The following SLCO3A1 variants were observed in gnomAD, a reference collection of about 807,000 sequenced individuals.
The protein encoded by SLCO3A1 is solute carrier organic anion transporter family member 3A1.
A neutral mutation model predicts 63.1 loss-of-function variants in SLCO3A1; 27 were observed. The ratio of observed to expected loss-of-function variants is 0.43; its 90% CI spans 0.32 to 0.59. SLCO3A1 has a LOEUF of 0.59. Ranked by LOEUF, SLCO3A1 falls within the 20% of genes least tolerant of loss-of-function variation. The pLI, the probability that SLCO3A1 is intolerant of heterozygous loss-of-function variation, is 0.09. For synonymous variants in SLCO3A1, 473 were observed against 409.9 expected, an observed-to-expected ratio of 1.15 and a Z score of -1.86; for missense variants, 773 against 945.8, an observed-to-expected ratio of 0.82 and a Z score of 2.40.
At chr15:91,917,385 A>G (rs865902853) in intron 2 of SLCO3A1, among the ~76,000 whole-genome samples, 1 of 152,152 alleles carries the variant, frequency 6.6e-6, no homozygotes, top group Non-Finnish European at 1.5e-5. Flanking sequence ...TAGAATTTGA[A>G]CTGGATTTGA....
At chr15:91,910,810 C>T (rs970070791) in intron 1 of SLCO3A1, among the ~76,000 whole-genome samples, 2 of 152,216 alleles carry the variant, frequency 1.3e-5, no homozygotes, top group African/African-American at 4.8e-5. Flanking sequence ...TCTGAAAATA[C>T]AGATGCCCAG....
chr15:92,063,173 C>A (rs948609752), intron 2 of SLCO3A1, among the ~76,000 whole-genome samples: 2 of 152,162 alleles, frequency 1.3e-5, no homozygotes, highest in African/African-American at 4.8e-5. Context: ...TACCAGGGTT[C>A]ATTTTGAGAA....
chr15:91,960,103 C>T (rs139761440), intron 2 of SLCO3A1, among the ~76,000 whole-genome samples: 9,107 of 152,168 alleles, frequency 0.06, 397 homozygotes, highest in Non-Finnish European at 0.091. Context: ...CCTGCCTTAG[C>T]CTCCCGAGTA....
intron 7 of SLCO3A1, among the ~76,000 whole-genome samples, chr15:92,135,178 G>A (rs1214477333): frequency 6.6e-6 from 1 of 152,188 alleles, no homozygotes; most frequent in Non-Finnish European, 1.5e-5. Context: ...TGGAGGGAGA[G>A]ATGGAGGGGC....
intron 3 of SLCO3A1, 132 bp downstream of exon 3, chr15:92,095,111 G>A (rs1453501986): frequency 3.9e-6 from 2 of 507,972 alleles, no homozygotes; most frequent in Non-Finnish European, 7.2e-6. Context: ...TGTAGCTGGG[G>A]CTCACCCGAG....
intron 2 of SLCO3A1, among the ~76,000 whole-genome samples, chr15:92,002,181 G>A (rs186940824): frequency 3.3e-5 from 5 of 152,188 alleles, no homozygotes; most frequent in East Asian, 1.9e-4. Flanking sequence ...TTCCCATTTA[G>A]CCTCAGTCCA....
intron 2 of SLCO3A1, among the ~76,000 whole-genome samples, chr15:91,924,060 TAA>T (rs1898931998): frequency 6.6e-6 from 1 of 152,228 alleles, no homozygotes; most frequent in African/African-American, 2.4e-5. Context: ...TTCCAAAAGA[TAA>T]ATGAGTGAGG....
intron 4 of SLCO3A1, among the ~76,000 whole-genome samples, chr15:92,107,149 T>C (rs1475987005): frequency 1.1e-4 from 16 of 152,194 alleles, no homozygotes; most frequent in Admixed American, 1.0e-3. Flanking sequence ...TGATTACAAA[T>C]TGTGATCTGT....
chr15:91,961,634 C>T lies in SLCO3A1; in HGVS notation c.646+45176C>T, dbSNP rs137918397. On this transcript the variant is annotated intron_variant, in intron 2 of 9. Transcript: ENST00000318445. ...GGCCTTTGCACTTGCTCTCTGGCTT[C>T]ATTCAGGCCCCTGCTTGTGGGTCTT... 1.3e-3 allele frequency among the ~76,000 whole-genome samples: 198 copies of T among 152,346 alleles called. 4 individuals are homozygous for T. In the East Asian group the frequency reaches 0.034, roughly 26 times the overall value.
At chr15:92,031,216 A>G (rs1032493038) in intron 2 of SLCO3A1, among the ~76,000 whole-genome samples, 1 of 151,572 alleles carries the variant, frequency 6.6e-6, no homozygotes, top group African/African-American at 2.4e-5. Context: ...TATGAATGAG[A>G]AAAAAAATAA....
At chr15:91,873,214 G>C (rs550841632) in intron 1 of SLCO3A1, among the ~76,000 whole-genome samples, 1 of 152,238 alleles carries the variant, frequency 6.6e-6, no homozygotes, top group African/African-American at 2.4e-5. Flanking sequence ...GTTGATGTTT[G>C]CCAAAAGATG....
At chr15:92,057,830 G>A (rs765342763) in intron 2 of SLCO3A1, among the ~76,000 whole-genome samples, 3 of 152,180 alleles carry the variant, frequency 2.0e-5, no homozygotes, top group Admixed American at 6.5e-5. Context: ...TGCCCTCGGC[G>A]ACACCAGGGG....
intron 2 of SLCO3A1, among the ~76,000 whole-genome samples, chr15:91,972,740 C>T (rs189358234): frequency 5.3e-5 from 8 of 152,290 alleles, no homozygotes; most frequent in South Asian, 4.1e-4. Context: ...AATGCCCTTG[C>T]GTGGCCTCTG....
chr15:92,100,972 G>T (rs2047598075), intron 3 of SLCO3A1, among the ~76,000 whole-genome samples: 1 of 152,194 alleles, frequency 6.6e-6, no homozygotes, highest in African/African-American at 2.4e-5. Context: ...CACAGGCAGA[G>T]CTCTGTGGCT....
At chr15:92,152,297 C>T (rs1273682961) in intron 9 of SLCO3A1, among the ~76,000 whole-genome samples, 1 of 152,232 alleles carries the variant, frequency 6.6e-6, no homozygotes, top group Non-Finnish European at 1.5e-5. Flanking sequence ...TCTCTCCTCA[C>T]CTTCCTTCTC....
intron 2 of SLCO3A1, among the ~76,000 whole-genome samples, chr15:92,080,283 C>A (rs1282737615): frequency 6.6e-6 from 1 of 152,188 alleles, no homozygotes; most frequent in African/African-American, 2.4e-5. Context: ...GGAGTCCCTC[C>A]TCCAGGGCTG....
At chr15:92,150,877 C>T (rs927272987) in intron 8 of SLCO3A1, 73 bp from the exon 9 acceptor site, 1 of 1,067,818 alleles carries the variant, frequency 9.4e-7, no homozygotes, top group Non-Finnish European at 1.4e-6. Flanking sequence ...CAGCAAATGA[C>T]TCTGGGGTCT....
intron 1 of SLCO3A1, among the ~76,000 whole-genome samples, chr15:91,895,464 C>A (rs11074024): frequency 6.6e-6 from 1 of 152,022 alleles, no homozygotes; most frequent in Admixed American, 6.5e-5. Context: ...TTCTTGTATA[C>A]AAGGGGCTAG....
intron 2 of SLCO3A1, among the ~76,000 whole-genome samples, chr15:92,061,812 G>C (rs375194903): frequency 2.6e-5 from 3 of 114,026 alleles, no homozygotes; most frequent in African/African-American, 7.8e-5. Context: ...CGCTCCTATG[G>C]GTTTGTTTGT....
Sources: gnomAD v4.1 joint callset for allele counts (sites outside exome capture counted in the v4.1 genomes callset) on GRCh38, gnomAD v4.1.1 for gene constraint, MANE v1.5 for transcripts, NCBI Gene and HGNC (gene_info 2026-07-23, HGNC 2026-07-21) for gene names.